Variants in STAU2 observed in about 807,000 individuals in gnomAD.
STAU2 encodes double-stranded RNA-binding protein Staufen homolog 2.
Under a neutral mutation model 65.9 loss-of-function variants are expected in STAU2, and 20 were observed. The observed-to-expected ratio is 0.30, with a 90% CI of 0.21 to 0.44. The LOEUF is 0.44. Ranked by LOEUF, STAU2 falls within the 20% of genes least tolerant of loss-of-function variation. The pLI is 1.00. For synonymous variants in STAU2, 232 were observed against 233.9 expected, an observed-to-expected ratio of 0.99 and a Z score of 0.07; for missense variants, 558 against 683.9, an observed-to-expected ratio of 0.82 and a Z score of 2.05.
chr8:73,659,279 T>G (rs1453913989), intron 6 of STAU2, among the ~76,000 whole-genome samples: 1 of 152,204 alleles, frequency 6.6e-6, no homozygotes, highest in African/African-American at 2.4e-5. Flanking sequence ...GGCTCATGCC[T>G]GTAATCCCAG....
At chr8:73,699,450 G>A (rs1382174765) in intron 4 of STAU2, among the ~76,000 whole-genome samples, 1 of 151,244 alleles carries the variant, frequency 6.6e-6, no homozygotes, top group Non-Finnish European at 1.5e-5. Flanking sequence ...AAAGAAAGAA[G>A]GCCCAAGTAA....
At chr8:73,703,442 G>C (rs1820266186) in intron 4 of STAU2, among the ~76,000 whole-genome samples, 1 of 152,132 alleles carries the variant, frequency 6.6e-6, no homozygotes, top group Admixed American at 6.6e-5. Flanking sequence ...AAATTAGCCA[G>C]TCTCAACTAT....
intron 13 of STAU2, among the ~76,000 whole-genome samples, chr8:73,538,508 C>T (rs1806324952): frequency 6.6e-6 from 1 of 151,960 alleles, no homozygotes; most frequent in East Asian, 1.9e-4. Context: ...TAAATTTTCT[C>T]TTAATTAGAA....
At chr8:73,628,734 T>C (rs932183328) in intron 6 of STAU2, among the ~76,000 whole-genome samples, 1 of 152,236 alleles carries the variant, frequency 6.6e-6, no homozygotes, top group African/African-American at 2.4e-5. Flanking sequence ...ACAAACATAC[T>C]GGATTTTTTA....
intron 13 of STAU2, among the ~76,000 whole-genome samples, chr8:73,430,195 G>T (rs190750923): frequency 6.6e-6 from 1 of 152,298 alleles, no homozygotes; most frequent in East Asian, 1.9e-4. Context: ...GAAGCCCCAG[G>T]GTTTTGCTGG....
intron 6 of STAU2, among the ~76,000 whole-genome samples, chr8:73,626,072 C>CAT (rs1563466432): frequency 7.9e-6 from 1 of 126,520 alleles, no homozygotes. Flanking sequence ...AGTAAGTACA[C>CAT]ATACACACAC....
At chr8:73,670,321 G>A (rs1386776666) in intron 6 of STAU2, 1 of 152,032 alleles carries the variant, frequency 6.6e-6, no homozygotes, top group Non-Finnish European at 1.5e-5. Flanking sequence ...AAAGCTGAGG[G>A]TTTAGGCCCA....
chr8:73,423,545 G>A (rs554933261), intron 13 of STAU2, among the ~76,000 whole-genome samples: 1 of 152,258 alleles, frequency 6.6e-6, no homozygotes, highest in East Asian at 1.9e-4. Flanking sequence ...GAGCAGGCAG[G>A]GCTGTTTTCA....
intron 13 of STAU2, among the ~76,000 whole-genome samples, chr8:73,539,702 G>T: frequency 6.6e-6 from 1 of 152,070 alleles, no homozygotes; most frequent in Non-Finnish European, 1.5e-5. Context: ...AATTAGCCAG[G>T]TGTTATGGTG....
chr8:73,435,736 G>A (rs1381050066), intron 13 of STAU2, among the ~76,000 whole-genome samples: 4 of 151,832 alleles, frequency 2.6e-5, no homozygotes, highest in Non-Finnish European at 4.4e-5. Context: ...TCTCATCTTC[G>A]AGGTCTGAAA....
intron 12 of STAU2, among the ~76,000 whole-genome samples, chr8:73,576,529 G>A (rs920922253): frequency 4.6e-5 from 7 of 152,088 alleles, no homozygotes; most frequent in African/African-American, 1.4e-4. Flanking sequence ...TTCTGCTGGG[G>A]GAGGCATAGC....
chr8:73,530,196 C>CA (rs1474042655), intron 13 of STAU2, among the ~76,000 whole-genome samples: 1 of 151,928 alleles, frequency 6.6e-6, no homozygotes, highest in African/African-American at 2.4e-5. Context: ...CTTTAAGTGA[C>CA]AAAAAAATAA....
intron 13 of STAU2, among the ~76,000 whole-genome samples, chr8:73,451,860 T>C (rs1010166832): frequency 2.0e-5 from 3 of 152,244 alleles, no homozygotes; most frequent in Non-Finnish European, 4.4e-5. Context: ...ACCGTGTCTA[T>C]TTCAAAGGGA....
At chr8:73,593,099 A>G (rs1375754706) in intron 11 of STAU2, among the ~76,000 whole-genome samples, 2 of 151,970 alleles carry the variant, frequency 1.3e-5, no homozygotes, top group African/African-American at 4.8e-5. Flanking sequence ...CATTTGTGAA[A>G]TATCTCTGGA....
intron 13 of STAU2, among the ~76,000 whole-genome samples, chr8:73,466,197 C>T (rs892398595): frequency 6.6e-6 from 1 of 152,186 alleles, no homozygotes; most frequent in Non-Finnish European, 1.5e-5. Flanking sequence ...TTCCTTTAAG[C>T]CAAAATACCA....
rs945952627 is a variant in STAU2, at chr8:73,500,993, C to T, written c.1530+51019G>A. On this transcript the variant is annotated intron_variant, in intron 13 of 14. Transcript: ENST00000524300. ...AATGTTTTATTATAACAGCAGTCTT[C>T]GAAGGCAAACACAAAAGATTCTACT... 2.6e-5 allele frequency among the ~76,000 whole-genome samples: 4 copies of T among 151,802 alleles called. 1 individual carries two copies. The highest frequency in any genetic ancestry group is 6.6e-5 in the Admixed American group (1 of 15,212).
chr8:73,711,454 T>G (rs1312057056), intron 3 of STAU2, among the ~76,000 whole-genome samples: 1 of 152,102 alleles, frequency 6.6e-6, no homozygotes, highest in Non-Finnish European at 1.5e-5. Context: ...CTGATAAAAA[T>G]CAGCCAATTT....
chr8:73,626,777 T>C (rs1460201550), intron 6 of STAU2, among the ~76,000 whole-genome samples: 1 of 152,124 alleles, frequency 6.6e-6, no homozygotes, highest in Non-Finnish European at 1.5e-5. Context: ...TCATTCCAAC[T>C]GGGAGGCAGT....
chr8:73,601,524 A>G (rs1169724840), intron 10 of STAU2, among the ~76,000 whole-genome samples: 1 of 152,218 alleles, frequency 6.6e-6, no homozygotes, highest in Non-Finnish European at 1.5e-5. Flanking sequence ...TGAGCATCTC[A>G]TCTCTAGATA....
Sources: allele counts gnomAD v4.1 joint callset (sites outside exome capture counted in the v4.1 genomes callset), GRCh38; gene constraint gnomAD v4.1.1; transcripts MANE v1.5; gene names NCBI Gene and HGNC (gene_info 2026-07-23, HGNC 2026-07-21).